DPP6: variants seen among roughly 807,000 people sequenced by gnomAD.
DPP6 encodes the protein dipeptidyl peptidase like 6, also known as A-type potassium channel modulatory protein DPP6.
In DPP6, 69 loss-of-function variants were observed where a neutral mutation model predicts 122.6. The observed-to-expected ratio is 0.56, with a 90% CI of 0.46 to 0.69. The LOEUF (loss-of-function observed/expected upper bound fraction) is 0.69. DPP6 is among the 30% of genes least tolerant of loss of function. The pLI is 0.00. For synonymous variants in DPP6, 418 were observed against 433.1 expected, an observed-to-expected ratio of 0.97 and a Z score of 0.43; for missense variants, 928 against 1,116.9, an observed-to-expected ratio of 0.83 and a Z score of 2.41.
intron 6 of DPP6, among the ~76,000 whole-genome samples, chr7:154,658,742 G>C (rs959615799): frequency 6.6e-6 from 1 of 152,208 alleles, no homozygotes; most frequent in South Asian, 2.1e-4. Context: ...AGGTACAAGA[G>C]AGATGTAAGG....
chr7:154,365,484 T>C (rs1379233330), intron 1 of DPP6, among the ~76,000 whole-genome samples: 2 of 152,270 alleles, frequency 1.3e-5, no homozygotes, highest in East Asian at 3.9e-4. Flanking sequence ...CTTCTTCTCT[T>C]CCTGTGAACC....
chr7:154,711,453 A>G (rs1841174985), intron 7 of DPP6, among the ~76,000 whole-genome samples: 1 of 152,242 alleles, frequency 6.6e-6, no homozygotes, highest in African/African-American at 2.4e-5. Context: ...AATTTGCTGA[A>G]TATCTTTTAC....
intron 7 of DPP6, among the ~76,000 whole-genome samples, chr7:154,702,979 C>T (rs181063548): frequency 3.3e-5 from 5 of 152,282 alleles, no homozygotes; most frequent in Admixed American, 2.0e-4. Flanking sequence ...GACTTTAAGT[C>T]GGAGCCAGTG....
chr7:154,743,934 A>G (rs1252540249), intron 8 of DPP6, among the ~76,000 whole-genome samples: 6 of 152,212 alleles, frequency 3.9e-5, no homozygotes, highest in Admixed American at 1.3e-4. Context: ...AAATCTGCAC[A>G]TAAGTCGACC....
chr7:154,024,081 G>T (rs978106099), intron 1 of DPP6, among the ~76,000 whole-genome samples: 3 of 152,110 alleles, frequency 2.0e-5, no homozygotes, highest in Non-Finnish European at 4.4e-5. Flanking sequence ...TATCCTACAG[G>T]CTGCATAATT....
chr7:153,931,939 G>T (rs1013277168), intron 1 of DPP6, among the ~76,000 whole-genome samples: 2 of 152,188 alleles, frequency 1.3e-5, no homozygotes, highest in Admixed American at 6.5e-5. Context: ...TAGCATGGCA[G>T]AACAGTTGTT....
At chr7:154,059,841 G>C (rs2129069454) in intron 1 of DPP6, among the ~76,000 whole-genome samples, 1 of 151,316 alleles carries the variant, frequency 6.6e-6, no homozygotes, top group East Asian at 1.9e-4. Context: ...CAACTAGACA[G>C]GGTTGCTAAA....
Position 154,403,069 on chromosome 7 carries a change from G to C in DPP6, c.244-43145G>C, listed in dbSNP as rs1419276667. Among the ~76,000 whole-genome samples, 1 of 152,214 alleles carries C rather than the reference G, an allele frequency of 6.6e-6. No homozygotes were observed. The highest frequency in any genetic ancestry group is 1.5e-5 in the Non-Finnish European group (1 of 68,024). The stretch of plus-strand genomic sequence containing the variant: ...AATTATCAGAGTTATTTATATGACT[G>C]TGTCAGGTACCTGCCTGAAAATGCT... On this transcript the variant is annotated intron_variant, in intron 1 of 25. Coordinates refer to ENST00000377770, the MANE Select transcript of DPP6 (RefSeq NM_130797.4). This position sits in a 1 kb window ranked among gnomAD's most constrained non-coding sequence, Gnocchi z 4.1.
chr7:154,699,843 A>G (rs1485145403), intron 7 of DPP6, among the ~76,000 whole-genome samples: 1 of 152,192 alleles, frequency 6.6e-6, no homozygotes, highest in Non-Finnish European at 1.5e-5. Context: ...TCTCAGTTCC[A>G]TAAAGTCAGA....
chr7:153,810,188 G>T, the DPP6 span, among the ~76,000 whole-genome samples: 1,697 of 152,208 alleles, frequency 0.011, 9 homozygotes, highest in African/African-American at 0.038. Context: ...CCTTGTCCAC[G>T]TGTTTTTTGT....
rs114550845 is a variant in DPP6, at chr7:154,251,287, G to A, written c.244-194927G>A. Among the ~76,000 whole-genome samples, 701 of 152,318 alleles carry A rather than the reference G, an allele frequency of 4.6e-3. 5 individuals carry two copies. The highest frequency in any genetic ancestry group is 0.016 in the African/African-American group (677 of 41,558). ...AAGAGCTACAGATGGTTTGGAAGAT[G>A]ATGAGCTTTGGTGAATGCTATGCTC... On this transcript the variant is annotated intron_variant, in intron 1 of 25. Transcript: ENST00000377770.
At chr7:154,425,621 G>GGGT (rs1554545601) in intron 1 of DPP6, among the ~76,000 whole-genome samples, 240 of 121,510 alleles carry the variant, frequency 2.0e-3, no homozygotes, top group Non-Finnish European at 1.3e-3. Flanking sequence ...TGTGTGTGTG[G>GGGT]GTGTGTGTGT....
At chr7:153,765,537 C>A in the DPP6 span, among the ~76,000 whole-genome samples, 6 of 133,130 alleles carry the variant, frequency 4.5e-5, no homozygotes, top group African/African-American at 8.5e-5. Flanking sequence ...AGCAAAACTT[C>A]ATGTAAAAAA....
At chr7:154,385,072 G>A (rs1395063232) in intron 1 of DPP6, among the ~76,000 whole-genome samples, 4 of 152,208 alleles carry the variant, frequency 2.6e-5, no homozygotes, top group East Asian at 1.9e-4. Context: ...CCAGGTTCAC[G>A]CCATTCTCCT....
the DPP6 span, among the ~76,000 whole-genome samples, chr7:153,844,297 A>C: frequency 1.3e-5 from 2 of 152,252 alleles, no homozygotes; most frequent in African/African-American, 4.8e-5. Flanking sequence ...TAAATGAACC[A>C]TAGCAATCAT....
At chr7:154,579,852 C>T (rs1265833690) in intron 5 of DPP6, among the ~76,000 whole-genome samples, 4 of 152,058 alleles carry the variant, frequency 2.6e-5, no homozygotes, top group Non-Finnish European at 5.9e-5. Flanking sequence ...GGCAGAGACA[C>T]GGTAAGGAGG....
intron 5 of DPP6, among the ~76,000 whole-genome samples, chr7:154,586,880 C>T (rs79244483): frequency 0.011 from 1,616 of 152,330 alleles, 13 homozygotes; most frequent in Non-Finnish European, 0.015. Flanking sequence ...CTGTGTCCCT[C>T]ATCAAGGAGC....
chr7:153,797,670 TCAA>T, the DPP6 span, among the ~76,000 whole-genome samples: 1 of 152,136 alleles, frequency 6.6e-6, no homozygotes, highest in Admixed American at 6.5e-5. Context: ...ACTGGTGGCT[TCAA>T]CAGCAGTCAT....
chr7:154,397,814 G>A (rs560973261), intron 1 of DPP6, among the ~76,000 whole-genome samples: 3 of 152,124 alleles, frequency 2.0e-5, no homozygotes, highest in South Asian at 2.1e-4. Flanking sequence ...ATTTGTTTGC[G>A]CTGTGCTGTA....
Sources: gnomAD v4.1 joint callset for allele counts (sites outside exome capture counted in the v4.1 genomes callset) on GRCh38, gnomAD v4.1.1 for gene constraint, Gnocchi (gnomAD v3.1) non-coding constraint, MANE v1.5 for transcripts, NCBI Gene and HGNC (gene_info 2026-07-23, HGNC 2026-07-21) for gene names.